RSRP1: variants seen among roughly 807,000 people sequenced by gnomAD.
The protein encoded by RSRP1 is arginine and serine rich protein 1, also known as arginine/serine-rich protein 1.
RSRP1 carries 37 observed loss-of-function variants against 33.0 expected under a neutral mutation model. The observed-to-expected ratio is 1.12, with a 90% confidence interval of 0.86 to 1.48. The LOEUF (loss-of-function observed/expected upper bound fraction) is 1.48. Among genes scored for constraint, RSRP1 ranks in the 40% most tolerant of loss-of-function variants. RSRP1 has a pLI of 0.00. For missense variants in RSRP1, 402 were observed against 385.3 expected (o/e 1.04, Z -0.36); for synonymous variants, 167 against 158.7 (o/e 1.05, Z -0.40).
chr1:25,297,537 T>C (rs1404709322), intron 1 of RSRP1, among the ~76,000 whole-genome samples: 1 of 128,390 alleles, frequency 7.8e-6, no homozygotes, highest in Admixed American at 7.7e-5. Context: ...ATTAGTACTA[T>C]AATAATTGCC....
rs766310013 is a variant in RSRP1 at position 25,246,785 on chromosome 1, C to T, written c.179G>A (p.Ser60Asn). Reference sequence around the variant, plus strand: ...CCTTCGGGAACGGGACCTGGACTTGCTCCTCCGACTCCTGGACGAAAACCG... The same window carrying T: ...CCTTCGGGAACGGGACCTGGACTTGTTCCTCCGACTCCTGGACGAAAACCG... Reference protein sequence around the residue: ...SSRFSSRSRRSKSRSRSRRRH... With the variant: ...SSRFSSRSRRNKSRSRSRRRH... Residue 60 changes from serine (S) to asparagine (N), a missense_variant, in exon 2 of 5, where the codon AGC becomes AAC. Transcript: ENST00000243189. The T allele has an allele frequency of 5.6e-6, 9 of 1,613,292 alleles. 1 individual carries two copies. Among genetic ancestry groups the T allele is most frequent in the East Asian group, 2.2e-5 (1 of 44,868 alleles).
chr1:25,291,016 G>A (rs1642453445), intron 1 of RSRP1, among the ~76,000 whole-genome samples: 1 of 131,358 alleles, frequency 7.6e-6, no homozygotes, highest in South Asian at 2.3e-4. Flanking sequence ...AGTTGTGGTG[G>A]CATGCACCTG....
rs199898838 is a variant in RSRP1 at position 25,282,653 on chromosome 1, G to A, written c.-66-35624C>T. On this transcript the variant is annotated intron_variant, in intron 1 of 1. Transcript: ENST00000561867. ...GAAAAACATTGTCTAGGCTGGGCAC[G>A]ATGGCTCATGCCTGTAATCCCAGCA... Among the ~76,000 whole-genome samples the A allele has an allele frequency of 2.1e-4, 28 of 132,332 alleles. 3 individuals carry two copies. The East Asian group carries it at 3.5e-3, about 17-fold the overall frequency. The allele number at this position is 132,332 out of a possible 152,430, so 86.8% of individuals were successfully genotyped here.
intron 1 of RSRP1, among the ~76,000 whole-genome samples, chr1:25,260,582 C>G (rs1640100781): frequency 6.6e-6 from 1 of 152,172 alleles, no homozygotes; most frequent in Admixed American, 6.5e-5. Context: ...TTGTATTAGT[C>G]GGCTTGGGCT....
At chr1:25,243,667 C>T (rs759275286) in intron 3 of RSRP1, 34 bp from the exon 4 acceptor site, 2 of 1,609,750 alleles carry the variant, frequency 1.2e-6, no homozygotes, top group Non-Finnish European at 1.7e-6. Context: ...AATTTTAAAA[C>T]ACATACCCTT....
rs1218119914 is a variant in RSRP1 at position 25,295,736 on chromosome 1, G to A, written c.-67+42242C>T. ...TGACATCATCAGTGACCAAGAGGCGGCCGGGAGGCTGAGACCACAGCAAGA... is the reference window on the plus strand; with the variant it reads ...TGACATCATCAGTGACCAAGAGGCGACCGGGAGGCTGAGACCACAGCAAGA... On this transcript the variant is annotated intron_variant, in intron 1 of 1. Transcript: ENST00000561867. Among the ~76,000 whole-genome samples the A allele has an allele frequency of 1.7e-4, 18 of 108,868 alleles. 6 individuals are homozygous for A. The highest frequency in any genetic ancestry group is 6.7e-4 in the Admixed American group (7 of 10,426). 71.4% of individuals were successfully genotyped at this position (108,868 alleles called of 152,430 possible).
Position 25,307,174 on chromosome 1 carries a change from G to T in RSRP1, c.-67+30804C>A, listed in dbSNP as rs186337100. ...ACTATCTCCCCTCACAGGACTGTTG[G>T]GATGCTACTGGATTTAATAAGCTAA... On this transcript the variant is annotated intron_variant, in intron 1 of 1. Coordinates refer to the RSRP1 transcript ENST00000561867. Among the ~76,000 whole-genome samples the T allele has an allele frequency of 1.5e-3, 192 of 132,220 alleles. 27 individuals are homozygous for T. The highest frequency in any genetic ancestry group is 4.9e-3 in the African/African-American group (187 of 38,416). The allele number at this position is 132,220 out of a possible 152,430, so 86.7% of individuals were successfully genotyped here. A position where few individuals can be genotyped will look rare whatever the true frequency, so the allele number is the denominator to read the frequency against.
intron 1 of RSRP1, among the ~76,000 whole-genome samples, chr1:25,312,058 G>A (rs1386570853): frequency 9.4e-6 from 1 of 106,612 alleles, no homozygotes; most frequent in East Asian, 2.1e-4. Flanking sequence ...CCTGTGCGAA[G>A]TGCAACATGG....
intron 1 of RSRP1, among the ~76,000 whole-genome samples, chr1:25,297,131 C>T (rs192974801): frequency 0.016 from 1,770 of 112,788 alleles, 227 homozygotes; most frequent in African/African-American, 0.048. Context: ...TAAATTCCAT[C>T]AATCTGGAGC....
At chr1:25,330,909 T>C (rs1156388528) in intron 1 of RSRP1, among the ~76,000 whole-genome samples, 1 of 122,952 alleles carries the variant, frequency 8.1e-6, no homozygotes, top group African/African-American at 2.7e-5. Flanking sequence ...CCCTGTGTCC[T>C]CATAGAGCCT....
In RSRP1 at chr1:25,309,990, A is replaced by C. The variant is rs528225359; in HGVS notation, c.-67+27988T>G. 8.3e-5 allele frequency among the ~76,000 whole-genome samples: 11 copies of C among 132,710 alleles called. 2 individuals carry two copies. Among genetic ancestry groups the C allele is most frequent in the African/African-American group, 1.5e-4 (6 of 39,552 alleles). 87.1% of individuals were successfully genotyped at this position (132,710 alleles called of 152,430 possible). A position where few individuals can be genotyped will look rare whatever the true frequency, so the allele number is the denominator to read the frequency against. On this transcript the variant is annotated intron_variant, in intron 1 of 1. Transcript: ENST00000561867. ...GCCACTTATTACTTAAAAAAACCCC[A>C]AAAAACCCAACTTATATAGTATAAG...
chr1:25,250,790 C>A (rs929566377), upstream of RSRP1, among the ~76,000 whole-genome samples: 1 of 152,162 alleles, frequency 6.6e-6, no homozygotes, highest in Non-Finnish European at 1.5e-5. Flanking sequence ...GCAGGCGGAT[C>A]ACCAGGTCAG....
intron 1 of RSRP1, among the ~76,000 whole-genome samples, chr1:25,320,269 C>A (rs1644629684): frequency 7.6e-6 from 1 of 131,924 alleles, no homozygotes; most frequent in African/African-American, 2.6e-5. Flanking sequence ...AACAACCCTC[C>A]ACAGCTACAC....
chr1:25,247,089 G>A (rs993876602), intron 1 of RSRP1, 60 bp from the exon 2 acceptor site: 2 of 1,072,026 alleles, frequency 1.9e-6, no homozygotes, highest in Non-Finnish European at 2.6e-6. Context: ...TGGCCACCCG[G>A]AAGCCACAGT....
intron 1 of RSRP1, among the ~76,000 whole-genome samples, chr1:25,321,598 A>G (rs1489490527): frequency 8.0e-6 from 1 of 125,526 alleles, no homozygotes; most frequent in East Asian, 2.0e-4. Flanking sequence ...TGAACCTGGG[A>G]GGCAGAGGCT....
At chr1:25,249,097 T>C (rs1401754206), upstream of RSRP1, among the ~76,000 whole-genome samples, 1 of 152,138 alleles carries the variant, frequency 6.6e-6, no homozygotes, top group Non-Finnish European at 1.5e-5. Flanking sequence ...TGCAGTGAGC[T>C]GAGATTGCAA....
intron 1 of RSRP1, among the ~76,000 whole-genome samples, chr1:25,284,082 A>G (rs998894279): frequency 3.7e-5 from 5 of 135,286 alleles, no homozygotes; most frequent in African/African-American, 1.3e-4. Flanking sequence ...TCCCAACAAC[A>G]AGAGCGCTGG....
chr1:25,314,475 C>T (rs1464161540), intron 1 of RSRP1, among the ~76,000 whole-genome samples: 1 of 132,132 alleles, frequency 7.6e-6, no homozygotes, highest in Non-Finnish European at 1.8e-5. Context: ...ATGAATCCCA[C>T]TTTGTGCGTT....
intron 1 of RSRP1, among the ~76,000 whole-genome samples, chr1:25,317,729 T>G: frequency 2.1e-5 from 1 of 48,562 alleles, no homozygotes; most frequent in African/African-American, 6.7e-5. Flanking sequence ...TGCGATGCAT[T>G]TAGTTAGGGG....
Sources: gnomAD v4.1 joint callset for allele counts (sites outside exome capture counted in the v4.1 genomes callset) on GRCh38, gnomAD v4.1.1 for gene constraint, MANE v1.5 for transcripts, NCBI Gene and HGNC (gene_info 2026-07-23, HGNC 2026-07-21) for gene names.